The following SDK2 variants were observed in gnomAD, a reference collection of about 807,000 sequenced individuals.
SDK2 encodes the protein sidekick cell adhesion molecule 2, also known as protein sidekick-2.
In SDK2, 105 loss-of-function variants were observed where a neutral mutation model predicts 253.9. That is an observed-to-expected ratio of 0.41 (90% CI 0.35 to 0.49). The LOEUF is 0.49. Among genes scored for constraint, SDK2 ranks in the 20% least tolerant of loss-of-function variants. The pLI is 0.06. For missense variants in SDK2, 2,608 were observed against 3,003.0 expected, an observed-to-expected ratio of 0.87 and a Z score of 3.07; for synonymous variants, 1,249 against 1,234.9, an observed-to-expected ratio of 1.01 and a Z score of -0.24.
rs144828797 is a variant in SDK2 at position 73,526,300 on chromosome 17, G to A, written c.65-18703C>T. Among the ~76,000 whole-genome samples the A allele has an allele frequency of 1.2e-3, 182 of 152,310 alleles. 4 individuals carry two copies. Among genetic ancestry groups the A allele is most frequent in the Non-Finnish European group, 2.5e-4 (17 of 68,024 alleles). Reference sequence around the variant, plus strand: ...GATGTGGCCGGCCAGCACAGGGGCCGCAAGAGCAGGCCTGGGTGAGATGAA... The same window carrying A: ...GATGTGGCCGGCCAGCACAGGGGCCACAAGAGCAGGCCTGGGTGAGATGAA... On this transcript the variant is annotated intron_variant, in intron 1 of 44. Transcript: ENST00000392650.
rs1188424359 is a variant in SDK2, at chr17:73,481,263, AG to A, written c.225-9046del. On this transcript the variant is annotated intron_variant, in intron 2 of 44. Transcript: ENST00000392650. The surrounding 1 kb of genome is among the most constrained non-coding windows in gnomAD (Gnocchi z 4.5). Reference sequence around the variant, plus strand: ...GGAAGGATTCTGTGTCCCTCGGAGGAGGGGGGACTTGGGCACAGTGTGTTCC... The same window carrying A: ...GGAAGGATTCTGTGTCCCTCGGAGGAGGGGGACTTGGGCACAGTGTGTTCC... Among the ~76,000 whole-genome samples, 5 of 151,994 alleles carry A rather than the reference AG, an allele frequency of 3.3e-5. No individual in the cohort carries two copies. The highest frequency in any genetic ancestry group is 7.3e-5 in the African/African-American group (3 of 41,366).
rs2062640889 is a variant in SDK2 at position 73,361,623 on chromosome 17, C to T, written c.5467+61G>A. The T allele has an allele frequency of 1.3e-6, 2 of 1,564,600 alleles. No individual in the cohort carries two copies. Among genetic ancestry groups the T allele is most frequent in the Non-Finnish European group, 8.7e-7 (1 of 1,143,914 alleles). Reference sequence around the variant, plus strand: ...GCACAGCTCTTGACACCGGGGGCCCCTTCTGACTGGGGACGCTGAACCGCC... The same window carrying T: ...GCACAGCTCTTGACACCGGGGGCCCTTTCTGACTGGGGACGCTGAACCGCC... On this transcript the variant is annotated intron_variant, in intron 39 of 44. Coordinates refer to ENST00000392650, the MANE Select transcript of SDK2 (RefSeq NM_001144952.2). The surrounding 1 kb of genome is among the most constrained non-coding windows in gnomAD (Gnocchi z 4.1).
At chr17:73,415,715 C>G in intron 17 of SDK2, 96 bp downstream of exon 17, 1 of 1,173,670 alleles carries the variant, frequency 8.5e-7, no homozygotes, top group South Asian at 1.5e-5. Context: ...CTTAAAACTC[C>G]TGGGCTTGAG....
chr17:73,492,447 G>C (rs927200073), intron 2 of SDK2, among the ~76,000 whole-genome samples: 2 of 152,116 alleles, frequency 1.3e-5, no homozygotes, highest in African/African-American at 4.8e-5. Flanking sequence ...TGGAGAGACT[G>C]TCTCTCTTAG....
chr17:73,617,691 A>C (rs2143174849), intron 1 of SDK2, among the ~76,000 whole-genome samples: 1 of 152,284 alleles, frequency 6.6e-6, no homozygotes, highest in Middle Eastern at 3.4e-3. Context: ...GGCTCTCCTG[A>C]ACTCATAAAT....
Position 73,390,306 on chromosome 17 carries a change from C to CGCATCATT in SDK2, c.4172_4173insAATGATGC (p.Val1392MetfsTer4). 1 of 1,589,366 alleles carries CGCATCATT rather than the reference C, an allele frequency of 6.3e-7. No homozygotes were observed. The highest frequency in any genetic ancestry group is 8.5e-7 in the Non-Finnish European group (1 of 1,171,354). ...AGTCACCTCTCTTCTCGGTGGTCAC[C>CGCATCATT]ACCAAGGCCTCGGCAGCTTCTCCCC... is the stretch of plus-strand genomic sequence containing the variant. On this transcript the variant is annotated frameshift_variant, in exon 29 of 45. Coordinates refer to ENST00000392650, the MANE Select transcript of SDK2 (RefSeq NM_001144952.2). LOFTEE classifies it high-confidence loss of function.
intron 32 of SDK2, among the ~76,000 whole-genome samples, 192 bp from the exon 33 acceptor site, chr17:73,384,203 C>T (rs950078779): frequency 6.6e-6 from 1 of 152,122 alleles, no homozygotes; most frequent in South Asian, 2.1e-4. Context: ...TGCAGCATTC[C>T]CTAGAAGGAG....
intron 36 of SDK2, among the ~76,000 whole-genome samples, chr17:73,375,596 C>T (rs987748728): frequency 1.2e-4 from 18 of 152,176 alleles, no homozygotes; most frequent in African/African-American, 3.1e-4. Flanking sequence ...CAGTGGCTCA[C>T]GCCTGTAATC....
At chr17:73,370,843 G>A (rs1048241488) in intron 36 of SDK2, among the ~76,000 whole-genome samples, 2 of 151,878 alleles carry the variant, frequency 1.3e-5, no homozygotes, top group African/African-American at 4.8e-5. Flanking sequence ...GAGGGGAATC[G>A]CCTGTGCCCA....
chr17:73,567,321 G>T (rs1252446362), intron 1 of SDK2, among the ~76,000 whole-genome samples: 6 of 152,244 alleles, frequency 3.9e-5, no homozygotes, highest in Admixed American at 3.9e-4. Context: ...ATACAAAAGT[G>T]AAAGAGGCTT....
At chr17:73,472,922 T>G (rs2063662562) in intron 2 of SDK2, among the ~76,000 whole-genome samples, 1 of 152,212 alleles carries the variant, frequency 6.6e-6, no homozygotes. Flanking sequence ...TGTGATTTGC[T>G]CCTCCTTGCC....
At chr17:73,634,611 CT>C (rs1432988534) in intron 1 of SDK2, among the ~76,000 whole-genome samples, 2 of 152,194 alleles carry the variant, frequency 1.3e-5, no homozygotes, top group Non-Finnish European at 2.9e-5. Context: ...CAGAGAATGT[CT>C]TAACCAAATC....
Position 73,459,266 on chromosome 17 carries a change from A to G in SDK2, c.332-3213T>C, listed in dbSNP as rs1346767936. On this transcript the variant is annotated intron_variant, in intron 3 of 44. Transcript: ENST00000392650. ...CCCAACTCCAGATCCCCTTCTGTCC[A>G]TCTTACACACTGTTCTTGATTAGTT... Among the ~76,000 whole-genome samples the G allele has an allele frequency of 2.6e-5, 4 of 152,164 alleles. No homozygotes were observed. In the South Asian group the frequency reaches 8.3e-4, roughly 31 times the overall value.
intron 2 of SDK2, among the ~76,000 whole-genome samples, chr17:73,475,548 C>G (rs561318020): frequency 1.3e-5 from 2 of 152,142 alleles, no homozygotes; most frequent in Non-Finnish European, 2.9e-5. Flanking sequence ...GACAAACAAA[C>G]GAAAGCTAGA....
At position 73,643,748 on chromosome 17, in the gene SDK2, G is replaced by T. The variant is rs924520193; in HGVS notation, c.64+277C>A. ...GCAGCCACAGCAGACGGGGGGAGGG[G>T]AGCGCCCCTCCCACTTCACCTTGGG... On this transcript the variant is annotated intron_variant, in intron 1 of 44. Coordinates refer to ENST00000392650, the MANE Select transcript of SDK2 (RefSeq NM_001144952.2). This position sits in a 1 kb window ranked among gnomAD's most constrained non-coding sequence, Gnocchi z 6.9. Among the ~76,000 whole-genome samples, 1 of 152,060 alleles carries T rather than the reference G, an allele frequency of 6.6e-6. No individual in the cohort carries two copies.
At chr17:73,344,004 G>T (rs1458201364) in intron 44 of SDK2, among the ~76,000 whole-genome samples, 1 of 152,198 alleles carries the variant, frequency 6.6e-6, no homozygotes, top group Non-Finnish European at 1.5e-5. Context: ...CATCTGTGCG[G>T]GGTGTTCCGC....
Position 73,403,790 on chromosome 17 carries a change from C to T in SDK2, c.2485-1649G>A, listed in dbSNP as rs565157079. Among the ~76,000 whole-genome samples the T allele has an allele frequency of 2.0e-5, 3 of 152,272 alleles. No homozygotes were observed. The South Asian group carries it at 6.2e-4, about 32-fold the overall frequency. On this transcript the variant is annotated intron_variant, in intron 18 of 44. Coordinates refer to ENST00000392650, the MANE Select transcript of SDK2 (RefSeq NM_001144952.2). ...ACCCTCAAAATACTAAACAGAAATA[C>T]TAAGTGGCATTTAATAAGTGTGTTA...
At chr17:73,399,082 C>T in intron 22 of SDK2, 86 bp downstream of exon 22, 1 of 1,398,762 alleles carries the variant, frequency 7.1e-7, no homozygotes, top group Non-Finnish European at 9.9e-7. Context: ...AAAATTCACA[C>T]AGGCCGAAAT....
chr17:73,466,599 T>G (rs2145683240), intron 3 of SDK2, among the ~76,000 whole-genome samples: 1 of 152,200 alleles, frequency 6.6e-6, no homozygotes, highest in Admixed American at 6.5e-5. Flanking sequence ...TTGCTCCTCT[T>G]ATGTTCCTCA....
Sources: allele counts gnomAD v4.1 joint callset (sites outside exome capture counted in the v4.1 genomes callset), GRCh38; gene constraint gnomAD v4.1.1; non-coding constraint Gnocchi (gnomAD v3.1); transcripts MANE v1.5; gene names NCBI Gene and HGNC (gene_info 2026-07-23, HGNC 2026-07-21).